GALNT1: variants seen among roughly 807,000 people sequenced by gnomAD.
GALNT1 encodes polypeptide N-acetylgalactosaminyltransferase 1, also known as GalNAc transferase 1.
Under a neutral mutation model 65.7 loss-of-function variants are expected in GALNT1, and 17 were observed. The ratio of observed to expected loss-of-function variants is 0.26; its 90% confidence interval spans 0.18 to 0.39. The LOEUF (loss-of-function observed/expected upper bound fraction) is 0.39. GALNT1 is among the 10% of genes least tolerant of loss of function. GALNT1 has a pLI of 1.00. For synonymous variants in GALNT1, 210 were observed against 219.7 expected, an observed-to-expected ratio of 0.96 and a Z score of 0.39; for missense variants, 460 against 672.8, an observed-to-expected ratio of 0.68 and a Z score of 3.50.
At chr18:35,648,028 A>AGAG (rs2047254664) in intron 1 of GALNT1, among the ~76,000 whole-genome samples, 1 of 119,666 alleles carries the variant, frequency 8.4e-6, no homozygotes, top group Admixed American at 9.7e-5. Flanking sequence ...CAAAAAGAGA[A>AGAG]GAAGAAGAAG....
At chr18:35,622,525 T>C (rs1280503120) in intron 1 of GALNT1, among the ~76,000 whole-genome samples, 1 of 152,212 alleles carries the variant, frequency 6.6e-6, no homozygotes, top group Admixed American at 6.5e-5. Context: ...GTGTTAGGAT[T>C]ACAGGCATGA....
At chr18:35,597,755 TTTAAA>T (rs2046523282) in intron 1 of GALNT1, among the ~76,000 whole-genome samples, 1 of 152,158 alleles carries the variant, frequency 6.6e-6, no homozygotes, top group Non-Finnish European at 1.5e-5. Flanking sequence ...TATGTGTACT[TTTAAA>T]ATAATAGTCA....
At chr18:35,656,434 T>C (rs147215540) in intron 2 of GALNT1, among the ~76,000 whole-genome samples, 1 of 152,244 alleles carries the variant, frequency 6.6e-6, no homozygotes. Flanking sequence ...TTTAGGAATG[T>C]GCACAAGAGT....
chr18:35,601,677 T>G (rs1291346121), intron 1 of GALNT1, among the ~76,000 whole-genome samples: 1 of 152,190 alleles, frequency 6.6e-6, no homozygotes, highest in African/African-American at 2.4e-5. Context: ...TTTTGACAGA[T>G]TTGAATTTGT....
At chr18:35,683,875 C>CAGAT (rs1443870508) in intron 5 of GALNT1, among the ~76,000 whole-genome samples, 1 of 152,194 alleles carries the variant, frequency 6.6e-6, no homozygotes, top group East Asian at 1.9e-4. Context: ...TGGAGCAGAA[C>CAGAT]AGATAGATGG....
chr18:35,682,104 A>G (rs901211616), intron 4 of GALNT1, among the ~76,000 whole-genome samples: 2 of 152,158 alleles, frequency 1.3e-5, no homozygotes, highest in Admixed American at 1.3e-4. Flanking sequence ...ATCAATTTAG[A>G]TCCTTCTGAC....
chr18:35,612,589 G>A (rs777218546), intron 1 of GALNT1, among the ~76,000 whole-genome samples: 24 of 152,132 alleles, frequency 1.6e-4, no homozygotes, highest in African/African-American at 5.1e-4. Context: ...TTTCTAGGCC[G>A]GGCGTGGTGC....
At chr18:35,665,544 C>T (rs2047537632) in intron 3 of GALNT1, among the ~76,000 whole-genome samples, 1 of 152,140 alleles carries the variant, frequency 6.6e-6, no homozygotes, top group Non-Finnish European at 1.5e-5. Context: ...AGACTGTACT[C>T]CAAGACATTG....
intron 1 of GALNT1, among the ~76,000 whole-genome samples, chr18:35,622,145 A>G (rs537565025): frequency 2.6e-5 from 4 of 152,310 alleles, no homozygotes; most frequent in African/African-American, 9.6e-5. Context: ...ATTAATATAA[A>G]GATAATTTTT....
chr18:35,593,271 G>A (rs1182426613), intron 1 of GALNT1, among the ~76,000 whole-genome samples: 1 of 152,214 alleles, frequency 6.6e-6, no homozygotes, highest in African/African-American at 2.4e-5. Context: ...CTGATGTCCA[G>A]TGCTGCTGAA....
At chr18:35,593,228 C>G (rs2046465971) in intron 1 of GALNT1, among the ~76,000 whole-genome samples, 1 of 152,142 alleles carries the variant, frequency 6.6e-6, no homozygotes, top group African/African-American at 2.4e-5. Flanking sequence ...AGTCAGGAAA[C>G]CAATAGAGGA....
chr18:35,635,277 C>T (rs1225794313), intron 1 of GALNT1, among the ~76,000 whole-genome samples: 2 of 152,182 alleles, frequency 1.3e-5, no homozygotes, highest in Non-Finnish European at 2.9e-5. Context: ...GTGTTACAGT[C>T]CAGAGTTCTT....
chr18:35,617,749 A>T (rs1330134730), intron 1 of GALNT1, among the ~76,000 whole-genome samples: 1 of 152,206 alleles, frequency 6.6e-6, no homozygotes, highest in Non-Finnish European at 1.5e-5. Flanking sequence ...GCTTAGTAGC[A>T]TCTGTAACCC....
chr18:35,687,214 A>G (rs1239691882), intron 6 of GALNT1, 28 bp downstream of exon 6: 9 of 1,604,448 alleles, frequency 5.6e-6, no homozygotes, highest in Admixed American at 3.4e-5. Flanking sequence ...CATTTTGCCT[A>G]AAGTGTTATT....
chr18:35,679,389 A>G (rs966124012), intron 4 of GALNT1, among the ~76,000 whole-genome samples: 1 of 152,138 alleles, frequency 6.6e-6, no homozygotes, highest in Non-Finnish European at 1.5e-5. Flanking sequence ...GTGTAGAATA[A>G]TAAGTTTTTG....
At chr18:35,697,573 C>A (rs1032227383) in intron 9 of GALNT1, among the ~76,000 whole-genome samples, 2 of 152,140 alleles carry the variant, frequency 1.3e-5, no homozygotes, top group African/African-American at 4.8e-5. Context: ...ATTGGGGCAC[C>A]TTGCAAGATG....
chr18:35,583,121 C>G (rs959164902), intron 1 of GALNT1, among the ~76,000 whole-genome samples: 1 of 152,070 alleles, frequency 6.6e-6, no homozygotes. Context: ...ATGTCCTTGC[C>G]CTATTGGAAT....
chr18:35,601,123 CT>C (rs1355230490), intron 1 of GALNT1, among the ~76,000 whole-genome samples: 6 of 151,960 alleles, frequency 3.9e-5, no homozygotes, highest in Admixed American at 6.6e-5. Flanking sequence ...AATCTTGTTA[CT>C]TTTGATTGGT....
At chr18:35,602,886 A>G (rs936201100) in intron 1 of GALNT1, among the ~76,000 whole-genome samples, 2 of 152,146 alleles carry the variant, frequency 1.3e-5, no homozygotes, top group Non-Finnish European at 2.9e-5. Flanking sequence ...TGGGGAAGCC[A>G]TAATTCCCTG....
Sources: gnomAD v4.1 joint callset for allele counts (sites outside exome capture counted in the v4.1 genomes callset) on GRCh38, gnomAD v4.1.1 for gene constraint, MANE v1.5 for transcripts, NCBI Gene and HGNC (gene_info 2026-07-23, HGNC 2026-07-21) for gene names.